The following ZFP91 variants were observed in gnomAD, a reference collection of about 807,000 sequenced individuals.
The protein encoded by ZFP91 is ZFP91 zinc finger protein, atypical E3 ubiquitin ligase.
ZFP91 carries 7 observed loss-of-function variants against 63.5 expected under a neutral mutation model. The ratio of observed to expected loss-of-function variants is 0.11; its 90% CI spans 0.06 to 0.21. The LOEUF is 0.21. ZFP91 is among the 10% of genes least tolerant of loss of function. The pLI, the probability that ZFP91 is intolerant of heterozygous loss-of-function variation, is 1.00. For synonymous variants in ZFP91, 330 were observed against 272.1 expected, an observed-to-expected ratio of 1.21 and a Z score of -2.10; for missense variants, 628 against 736.6, an observed-to-expected ratio of 0.85 and a Z score of 1.71.
chr11:58,617,719 C>G lies in ZFP91; in HGVS notation c.*13C>G. 1 of 1,492,786 alleles carries G rather than the reference C, an allele frequency of 6.7e-7. No homozygotes were observed. The highest frequency in any genetic ancestry group is 8.9e-7 in the Non-Finnish European group (1 of 1,122,244). The allele number at this position is 1,492,786 out of a possible 1,614,324, so 92.5% of individuals were successfully genotyped here. On this transcript the variant is annotated 3_prime_UTR_variant, in exon 11 of 11. Coordinates refer to ENST00000316059, the MANE Select transcript of ZFP91 (RefSeq NM_053023.5). This position sits in a 1 kb window ranked among gnomAD's most constrained non-coding sequence, Gnocchi z 4.2. ...TGCCGGACCTTAGTGGACAGGAAGA[C>G]TTGGGGCATGGGACAGCTCAGACTT...
At chr11:58,598,216 G>A (rs1369754374) in intron 2 of ZFP91, among the ~76,000 whole-genome samples, 2 of 152,072 alleles carry the variant, frequency 1.3e-5, no homozygotes, top group East Asian at 3.8e-4. Flanking sequence ...GACTTTGTGT[G>A]TGTAAGTTTT....
chr11:58,585,274 A>G (rs927713296), intron 2 of ZFP91, among the ~76,000 whole-genome samples: 1 of 152,186 alleles, frequency 6.6e-6, no homozygotes, highest in African/African-American at 2.4e-5. Context: ...CCTGGTGAAT[A>G]ATTAAATTAG....
At chr11:58,599,805 A>T (rs993463636) in intron 2 of ZFP91, among the ~76,000 whole-genome samples, 1 of 151,944 alleles carries the variant, frequency 6.6e-6, no homozygotes, top group Non-Finnish European at 1.5e-5. Context: ...ACTTCTATGC[A>T]TTTTTTAGTG....
chr11:58,584,857 T>C lies in ZFP91; in HGVS notation c.343T>C (p.Cys115Arg), dbSNP rs142799522. The C allele has an allele frequency of 2.5e-5, 39 of 1,531,496 alleles. No homozygotes were observed. The African/African-American group carries it at 5.2e-4, about 20-fold the overall frequency. 94.9% of individuals were successfully genotyped at this position (1,531,496 alleles called of 1,614,324 possible). Residue 115 changes from cysteine to arginine, a missense_variant and splice_region_variant, in exon 2 of 11, where the codon TGC becomes CGC. Physicochemically the swap from Cys to Arg is radical, Grantham distance 180. This residue lies in a region of ZFP91 where 437 missense variants were observed against 380.3 expected (regional missense o/e 1.15). Coordinates refer to ENST00000316059, the MANE Select transcript of ZFP91 (RefSeq NM_053023.5). The stretch of plus-strand genomic sequence containing the variant: ...ATGTTTGATTCTTATTTCTTTCAGA[T>C]GCATAGAAAAAGTAACAACTGATAA... ...VQGKKSPRLL[C>R]IEKVTTDKDP...
rs1199087442 is a variant in ZFP91 at position 58,620,134 on chromosome 11, G to A, written c.*2428G>A. 1 of 152,030 alleles carries A rather than the reference G, an allele frequency of 6.6e-6. No homozygotes were observed. Among genetic ancestry groups the A allele is most frequent in the Admixed American group, 6.6e-5 (1 of 15,264 alleles). The allele number at this position is 152,030 out of a possible 1,614,324, so 9.4% of individuals were successfully genotyped here. A position where few individuals can be genotyped will look rare whatever the true frequency, so the allele number is the denominator to read the frequency against. ...TGCTGTACTTTTTCTTTTCTTTTAGGGGTCAAGGACCCTCTTTATAGCTAC... is the reference window on the plus strand; with the variant it reads ...TGCTGTACTTTTTCTTTTCTTTTAGAGGTCAAGGACCCTCTTTATAGCTAC... On this transcript the variant is annotated 3_prime_UTR_variant, in exon 11 of 11. Coordinates refer to ENST00000316059, the MANE Select transcript of ZFP91 (RefSeq NM_053023.5).
rs762323982 is a variant in ZFP91 at position 58,617,595 on chromosome 11, C to T, written c.1602C>T (p.Ile534=). The T allele has an allele frequency of 1.2e-6, 2 of 1,608,864 alleles. No individual in the cohort carries two copies. The highest frequency in any genetic ancestry group is 1.7e-6 in the Non-Finnish European group (2 of 1,177,540). ...ERVSLMADGK[I]FVGSGSSGGT... ...TGAGCCTGATGGCTGATGGGAAGAT[C>T]TTTGTGGGAAGCGGCAGCAGTGGAG... Residue 534 remains isoleucine, a synonymous_variant, in exon 11 of 11, where the codon ATC becomes ATT. Coordinates refer to ENST00000316059, the MANE Select transcript of ZFP91 (RefSeq NM_053023.5). This position sits in a 1 kb window ranked among gnomAD's most constrained non-coding sequence, Gnocchi z 4.2.
At chr11:58,607,599 G>A (rs200242273) in intron 2 of ZFP91, among the ~76,000 whole-genome samples, 1 of 112,584 alleles carries the variant, frequency 8.9e-6, no homozygotes, top group African/African-American at 2.7e-5. Flanking sequence ...ATTTATCTCT[G>A]TGTTTCAAAC....
At chr11:58,609,484 CT>C (rs1187429984) in intron 2 of ZFP91, among the ~76,000 whole-genome samples, 1 of 152,150 alleles carries the variant, frequency 6.6e-6, no homozygotes, top group East Asian at 1.9e-4. Flanking sequence ...TTCTGGTCAT[CT>C]TTTTGGGACT....
At position 58,615,846 on chromosome 11, in the gene ZFP91, A is replaced by G. The variant is rs186848487; in HGVS notation, c.1103-870A>G. Among the ~76,000 whole-genome samples, 564 of 152,328 alleles carry G rather than the reference A, an allele frequency of 3.7e-3. 6 individuals carry two copies. Among genetic ancestry groups the G allele is most frequent in the African/African-American group, 0.013 (536 of 41,580 alleles). ...TAAATTGGATATTGTTCACCTTTTA[A>G]CTTAAATTCATGTTTTCATTCTCAT... On this transcript the variant is annotated intron_variant, in intron 9 of 10. Coordinates refer to ENST00000316059, the MANE Select transcript of ZFP91 (RefSeq NM_053023.5).
intron 9 of ZFP91, among the ~76,000 whole-genome samples, chr11:58,615,670 G>A (rs1412104752): frequency 6.6e-6 from 1 of 152,160 alleles, no homozygotes; most frequent in African/African-American, 2.4e-5. Context: ...GCTATATAAA[G>A]TATGGAATAC....
At chr11:58,590,626 A>AC (rs1434058415) in intron 2 of ZFP91, among the ~76,000 whole-genome samples, 1 of 152,226 alleles carries the variant, frequency 6.6e-6, no homozygotes, top group Non-Finnish European at 1.5e-5. Flanking sequence ...AGCAAGATAT[A>AC]CTGCTCCATT....
In ZFP91 at chr11:58,611,592, T is replaced by C. The variant is rs1161863951; in HGVS notation, c.723-12T>C. ...TCTTTTGTCTAGTATTGAAATGCATTTGTGTTTTCAGGGAAACCCCAAAGC... is the reference window on the plus strand; with the variant it reads ...TCTTTTGTCTAGTATTGAAATGCATCTGTGTTTTCAGGGAAACCCCAAAGC... On this transcript the variant is annotated splice_polypyrimidine_tract_variant and intron_variant, in intron 5 of 10. Coordinates refer to ENST00000316059, the MANE Select transcript of ZFP91 (RefSeq NM_053023.5). 6.2e-7 allele frequency: 1 copy of C among 1,610,324 alleles called. No individual in the cohort carries two copies. Among genetic ancestry groups the C allele is most frequent in the Middle Eastern group, 1.7e-4 (1 of 5,988 alleles).
Position 58,616,730 on chromosome 11 carries a change from A to G in ZFP91, c.1117A>G (p.Ile373Val). The change falls in exon 10 of 11, where the codon ATC becomes GTC. Residue 373 changes from isoleucine to valine, a missense_variant. Physicochemically the swap from Ile to Val is conservative, Grantham distance 29. Coordinates refer to ENST00000316059, the MANE Select transcript of ZFP91 (RefSeq NM_053023.5). ...TTTCTTCATAGATCAAAGGGATTAT[A>G]TCTGTGAATATTGTGCTCGGGCCTT... is the stretch of plus-strand genomic sequence containing the variant. ...AKHHTDQRDY[I>V]CEYCARAFKS... 1.2e-6 allele frequency: 2 copies of G among 1,613,644 alleles called. No homozygotes were observed. The highest frequency in any genetic ancestry group is 1.7e-6 in the Non-Finnish European group (2 of 1,179,688).
intron 2 of ZFP91, among the ~76,000 whole-genome samples, chr11:58,588,080 C>G (rs1855242146): frequency 6.6e-6 from 1 of 152,044 alleles, no homozygotes; most frequent in Admixed American, 6.6e-5. Flanking sequence ...TTATAAGACC[C>G]CCTTTTTAAA....
chr11:58,617,070 TTGTGTGTGTGTG>T lies in ZFP91; in HGVS notation c.1203-108_1203-97del, dbSNP rs143676081. ...TTCAAAAGAAGTATGTTACTGATTA[TTGTGTGTGTGTG>T]TGTGTGTGTGTGTGTGTATGTATAT... On this transcript the variant is annotated intron_variant, in intron 10 of 10. Transcript: ENST00000316059. This position sits in a 1 kb window ranked among gnomAD's most constrained non-coding sequence, Gnocchi z 4.2. 9.5e-6 allele frequency: 7 copies of T among 740,516 alleles called. No homozygotes were observed. Among genetic ancestry groups the T allele is most frequent in the East Asian group, 5.5e-5 (2 of 36,362 alleles). 45.9% of individuals were successfully genotyped at this position (740,516 alleles called of 1,614,324 possible). A position where few individuals can be genotyped will look rare whatever the true frequency, so the allele number is the denominator to read the frequency against.
intron 2 of ZFP91, among the ~76,000 whole-genome samples, chr11:58,588,902 T>C (rs935142722): frequency 4.6e-5 from 7 of 152,206 alleles, no homozygotes. Context: ...GAACATTGTC[T>C]TCACAATTCT....
chr11:58,620,892 G>C lies in ZFP91; in HGVS notation c.*3186G>C, dbSNP rs905683027. On this transcript the variant is annotated 3_prime_UTR_variant, in exon 11 of 11. Coordinates refer to ENST00000316059, the MANE Select transcript of ZFP91 (RefSeq NM_053023.5). The stretch of plus-strand genomic sequence containing the variant: ...TCTCCTTTCATGGGAGAGACAGGTA[G>C]TTACCTGAATATAGGTTGAAAAGGT... 1 of 152,628 alleles carries C rather than the reference G, an allele frequency of 6.6e-6. No individual in the cohort carries two copies. Among genetic ancestry groups the C allele is most frequent in the Non-Finnish European group, 1.5e-5 (1 of 68,028 alleles). 9.5% of individuals were successfully genotyped at this position (152,628 alleles called of 1,614,324 possible).
intron 2 of ZFP91, among the ~76,000 whole-genome samples, chr11:58,604,670 G>T (rs974611161): frequency 3.3e-5 from 5 of 152,176 alleles, no homozygotes; most frequent in African/African-American, 1.2e-4. Context: ...TCTGAATGCG[G>T]CTCAGAACGG....
intron 6 of ZFP91, 118 bp from the exon 7 acceptor site, chr11:58,612,160 T>C: frequency 1.0e-6 from 1 of 1,003,888 alleles, no homozygotes; most frequent in Non-Finnish European, 1.5e-6. Context: ...TTATGTATTC[T>C]TGGTTATCCT....
Sources: gnomAD v4.1 joint callset for allele counts (sites outside exome capture counted in the v4.1 genomes callset) on GRCh38, gnomAD v4.1.1 for gene constraint, gnomAD v4.1.1 regional missense constraint, Gnocchi (gnomAD v3.1) non-coding constraint, MANE v1.5 for transcripts, NCBI Gene and HGNC (gene_info 2026-07-23, HGNC 2026-07-21) for gene names.